Variants in COL21A1 observed in about 807,000 individuals in gnomAD.
COL21A1 encodes the protein collagen type XXI alpha 1 chain.
A neutral mutation model predicts 137.9 loss-of-function variants in COL21A1; 149 were observed. The observed-to-expected ratio is 1.08, with a 90% CI of 0.95 to 1.24. COL21A1 has a LOEUF of 1.24. Ranked by LOEUF, COL21A1 falls within the 50% of genes most tolerant of loss-of-function variation. COL21A1 has a pLI of 0.00. For missense variants in COL21A1, 1,167 were observed against 1,158.4 expected, an observed-to-expected ratio of 1.01 and a Z score of -0.11; for synonymous variants, 456 against 391.5, an observed-to-expected ratio of 1.16 and a Z score of -1.95.
intron 1 of COL21A1, among the ~76,000 whole-genome samples, chr6:56,217,602 A>G (rs1445303263): frequency 6.6e-6 from 1 of 152,132 alleles, no homozygotes; most frequent in Non-Finnish European, 1.5e-5. Context: ...TCTAACCAAT[A>G]TTAAGTATAA....
intron 12 of COL21A1, among the ~76,000 whole-genome samples, chr6:56,138,027 CT>C (rs1774128107): frequency 6.6e-6 from 1 of 152,046 alleles, no homozygotes; most frequent in Admixed American, 6.6e-5. Flanking sequence ...AGAAAATCCT[CT>C]GAGGAAAGGA....
chr6:56,067,870 C>A (rs1766398830), intron 22 of COL21A1, among the ~76,000 whole-genome samples: 1 of 151,582 alleles, frequency 6.6e-6, no homozygotes, highest in Non-Finnish European at 1.5e-5. Flanking sequence ...CCAACTTATA[C>A]AATGCCCTTG....
rs1780965798 is a variant in COL21A1, at chr6:56,223,259, T to A, written c.-39+24128A>T. Among the ~76,000 whole-genome samples, 4 of 152,170 alleles carry A rather than the reference T, an allele frequency of 2.6e-5. No individual in the cohort carries two copies. In the South Asian group the frequency reaches 8.3e-4, roughly 32 times the overall value. ...TATTTTTTTAATATTATTTTCCTCT[T>A]TATTGTCTTGAGCTTATTTTTGTCT... On this transcript the variant is annotated intron_variant, in intron 1 of 29. Coordinates refer to ENST00000244728, the MANE Select transcript of COL21A1 (RefSeq NM_030820.4).
At chr6:56,282,447 C>A (rs1763806973) in intron 1 of COL21A1, among the ~76,000 whole-genome samples, 1 of 152,136 alleles carries the variant, frequency 6.6e-6, no homozygotes, top group African/African-American at 2.4e-5. Flanking sequence ...GGTACAAGGA[C>A]TAGAGCCACA....
intron 10 of COL21A1, among the ~76,000 whole-genome samples, chr6:56,147,201 A>T (rs1774898575): frequency 6.6e-6 from 1 of 152,106 alleles, no homozygotes; most frequent in South Asian, 2.1e-4. Flanking sequence ...TTTCATACTC[A>T]AAGAGAGGCG....
chr6:56,124,936 C>T (rs543485709), intron 14 of COL21A1, among the ~76,000 whole-genome samples: 6 of 151,316 alleles, frequency 4.0e-5, no homozygotes, highest in East Asian at 3.9e-4. Context: ...TGAGCCACCG[C>T]GCCCGGCCTT....
chr6:56,200,645 A>G (rs1427761073), intron 1 of COL21A1, among the ~76,000 whole-genome samples: 1 of 151,716 alleles, frequency 6.6e-6, no homozygotes, highest in Admixed American at 6.6e-5. Flanking sequence ...ATCATTTTTT[A>G]TGGCTGCATA....
rs1776633850 is a variant in COL21A1, at chr6:56,166,980, C to G, written c.1204G>C (p.Asp402His). The G allele has an allele frequency of 6.2e-7, 1 of 1,609,254 alleles. No homozygotes were observed. The highest frequency in any genetic ancestry group is 1.3e-5 in the African/African-American group (1 of 74,832). Residue 402 changes from aspartate to histidine, a missense_variant, in exon 7 of 30, where the codon GAT becomes CAT. Asp to His is a moderately conservative substitution (Grantham distance 81). Coordinates refer to ENST00000244728, the MANE Select transcript of COL21A1 (RefSeq NM_030820.4). ...CAGTAGATTCGCAACTTTTGGACAT[C>G]AAACTAAGAACATAAACCCAGTAGA... ...YSGKEETVQF[D>H]VQKLRIYCDP...
intron 1 of COL21A1, among the ~76,000 whole-genome samples, chr6:56,381,988 C>T (rs1024067817): frequency 3.3e-5 from 5 of 152,194 alleles, no homozygotes; most frequent in African/African-American, 1.2e-4. Flanking sequence ...AGATATGAAT[C>T]TGTGACCTAG....
chr6:56,379,938 T>C (rs748931406), intron 1 of COL21A1, among the ~76,000 whole-genome samples: 3 of 152,180 alleles, frequency 2.0e-5, no homozygotes, highest in Non-Finnish European at 4.4e-5. Context: ...CATTTGTCTT[T>C]CCTATTTTGA....
At chr6:56,301,371 C>A (rs568977677) in intron 1 of COL21A1, among the ~76,000 whole-genome samples, 1 of 152,278 alleles carries the variant, frequency 6.6e-6, no homozygotes, top group South Asian at 2.1e-4. Flanking sequence ...TCTCTAGAAG[C>A]TGAAAAGGCA....
intron 1 of COL21A1, among the ~76,000 whole-genome samples, chr6:56,255,298 T>A (rs1368906211): frequency 6.6e-6 from 1 of 151,738 alleles, no homozygotes; most frequent in Non-Finnish European, 1.5e-5. Context: ...AAATCTTTTT[T>A]TCCTAACCTT....
At chr6:56,144,332 G>A (rs1457624467) in intron 10 of COL21A1, among the ~76,000 whole-genome samples, 3 of 152,062 alleles carry the variant, frequency 2.0e-5, no homozygotes, top group Non-Finnish European at 2.9e-5. Context: ...GGTCAGATCT[G>A]ATCATTGTAG....
At position 56,060,101 on chromosome 6, in the gene COL21A1, C is replaced by T. The variant is rs576880927; in HGVS notation, c.2525G>A (p.Arg842Lys). 2 of 1,610,362 alleles carry T rather than the reference C, an allele frequency of 1.2e-6. No individual in the cohort carries two copies. Among genetic ancestry groups the T allele is most frequent in the African/African-American group, 2.7e-5 (2 of 74,770 alleles). The change falls in exon 28 of 30, where the codon AGA becomes AAA. Residue 842 changes from arginine to lysine, a missense_variant. Coordinates refer to ENST00000244728, the MANE Select transcript of COL21A1 (RefSeq NM_030820.4). ...TCTTCCTGGCAAACCAGGTAATCCT[C>T]TGGGACCCTCTGGGCCTATCGGACC... ...PPGPIGPEGP[R>K]GLPGLPGRDG...
chr6:56,070,649 A>T (rs1766662117), intron 21 of COL21A1, 96 bp downstream of exon 21: 1 of 750,414 alleles, frequency 1.3e-6, no homozygotes, highest in Admixed American at 3.6e-5. Context: ...AACTTCATGT[A>T]TCTCTTCAGA....
chr6:56,325,099 G>T lies in COL21A1; in HGVS notation c.-39+68872C>A, dbSNP rs1395173249. Reference sequence around the variant, plus strand: ...TCAAGCCCAGCATAATAATACTCAGGTTCACCTGTTTCTCAGGGTCTTTAT... The same window carrying T: ...TCAAGCCCAGCATAATAATACTCAGTTTCACCTGTTTCTCAGGGTCTTTAT... On this transcript the variant is annotated intron_variant, in intron 1 of 28. Transcript: ENST00000370819. Among the ~76,000 whole-genome samples the T allele has an allele frequency of 2.0e-5, 3 of 148,658 alleles. No homozygotes were observed. The Admixed American group carries it at 2.1e-4, about 10-fold the overall frequency.
intron 1 of COL21A1, among the ~76,000 whole-genome samples, chr6:56,214,007 A>G (rs974178841): frequency 3.9e-5 from 6 of 152,128 alleles, no homozygotes; most frequent in Non-Finnish European, 8.8e-5. Context: ...AATAGGAAAG[A>G]TTTTATGCTA....
At chr6:56,090,355 G>C (rs972301665) in intron 17 of COL21A1, among the ~76,000 whole-genome samples, 2 of 152,170 alleles carry the variant, frequency 1.3e-5, no homozygotes, top group African/African-American at 2.4e-5. Flanking sequence ...GTCCAGTTTT[G>C]CTATGTCAAT....
At chr6:56,195,179 T>C (rs1778940781) in intron 1 of COL21A1, among the ~76,000 whole-genome samples, 1 of 152,168 alleles carries the variant, frequency 6.6e-6, no homozygotes, top group Non-Finnish European at 1.5e-5. Context: ...AATTTTTTTC[T>C]TTATAAATTA....
Sources: allele counts gnomAD v4.1 joint callset (sites outside exome capture counted in the v4.1 genomes callset), GRCh38; gene constraint gnomAD v4.1.1; transcripts MANE v1.5; gene names NCBI Gene and HGNC (gene_info 2026-07-23, HGNC 2026-07-21).